Variants in SANBR observed in about 807,000 individuals in gnomAD.
SANBR encodes the protein SANT and BTB domain regulator of class switch recombination.
Under a neutral mutation model 101.8 loss-of-function variants are expected in SANBR, and 77 were observed. The observed-to-expected ratio is 0.76, with a 90% CI of 0.63 to 0.91. SANBR has a LOEUF of 0.91. Ranked by LOEUF, SANBR falls within the 40% of genes least tolerant of loss-of-function variation. The probability of loss-of-function intolerance (pLI) is 0.00; values close to 1 mark genes in which losing one functional copy is unlikely to be tolerated. For synonymous variants in SANBR, 279 were observed against 274.7 expected (o/e 1.02, Z -0.15); for missense variants, 875 against 853.0 (o/e 1.03, Z -0.32).
chr2:61,083,097 C>A, intron 7 of SANBR, 57 bp from the exon 8 acceptor site: 3 of 1,282,946 alleles, frequency 2.3e-6, no homozygotes, highest in Non-Finnish European at 3.4e-6. Flanking sequence ...AAAGGTATTG[C>A]TATGACATTG....
chr2:61,088,305 A>G, intron 9 of SANBR, 53 bp from the exon 10 acceptor site: 54 of 1,565,796 alleles, frequency 3.4e-5, no homozygotes, highest in Non-Finnish European at 4.6e-5. Context: ...TCTTTAATTT[A>G]CTACATTTAC....
At chr2:61,132,020 T>C (rs1293358141) in intron 20 of SANBR, among the ~76,000 whole-genome samples, 1 of 152,224 alleles carries the variant, frequency 6.6e-6, no homozygotes. Flanking sequence ...TAAAAATTGA[T>C]GCAAAATGGA....
intron 19 of SANBR, among the ~76,000 whole-genome samples, chr2:61,117,773 A>G (rs1372264078): frequency 1.3e-5 from 2 of 152,162 alleles, no homozygotes; most frequent in African/African-American, 2.4e-5. Context: ...ACCTTTGCCC[A>G]TTATTTTCAC....
At position 61,117,558 on chromosome 2, in the gene SANBR, G is replaced by A; in HGVS notation, c.1939+18G>A. 2.5e-6 allele frequency: 4 copies of A among 1,586,096 alleles called. No individual in the cohort carries two copies. Among genetic ancestry groups the A allele is most frequent in the South Asian group, 1.1e-5 (1 of 90,436 alleles). On this transcript the variant is annotated intron_variant, in intron 19 of 21. Transcript: ENST00000402291. The stretch of plus-strand genomic sequence containing the variant: ...AGAAGACGGTAAATTTTATTATTTG[G>A]GTAATGTACAAATTGGATGTAAATA...
At chr2:61,104,298 C>T (rs1460480861) in intron 13 of SANBR, among the ~76,000 whole-genome samples, 1 of 151,790 alleles carries the variant, frequency 6.6e-6, no homozygotes, top group Non-Finnish European at 1.5e-5. Context: ...CTGGCTAACA[C>T]AGTGAAACCC....
chr2:61,138,005 C>A (rs1474829785), exon 22 of SANBR: 2 of 152,118 alleles, frequency 1.3e-5, no homozygotes, highest in Non-Finnish European at 2.9e-5. Flanking sequence ...TTCTATTAAT[C>A]TACTAATATA....
chr2:61,122,233 G>T lies in SANBR; in HGVS notation c.*71G>T. 4 of 1,491,948 alleles carry T rather than the reference G, an allele frequency of 2.7e-6. No homozygotes were observed. In the East Asian group the frequency reaches 7.4e-5, roughly 28 times the overall value. The allele number at this position is 1,491,948 out of a possible 1,614,324, so 92.4% of individuals were successfully genotyped here. On this transcript the variant is annotated 3_prime_UTR_variant, in exon 22 of 22. Transcript: ENST00000402291. The stretch of plus-strand genomic sequence containing the variant: ...CATCTGAAATTGCTCACTTCTTGAA[G>T]ATCTTCAGAACAATGACTTCCAACT...
chr2:61,069,497 C>T (rs990373451), intron 2 of SANBR, among the ~76,000 whole-genome samples: 2 of 151,388 alleles, frequency 1.3e-5, no homozygotes, highest in African/African-American at 4.9e-5. Flanking sequence ...CTGCTTTGTA[C>T]TCTCGTCCTA....
downstream of SANBR, among the ~76,000 whole-genome samples, chr2:61,127,266 T>C (rs922247820): frequency 6.6e-6 from 1 of 152,196 alleles, no homozygotes; most frequent in Non-Finnish European, 1.5e-5. Flanking sequence ...ATATCTGGAC[T>C]GTCCCCAGCC....
At chr2:61,111,593 T>A (rs560340391) in intron 16 of SANBR, among the ~76,000 whole-genome samples, 1 of 152,348 alleles carries the variant, frequency 6.6e-6, no homozygotes, top group African/African-American at 2.4e-5. Flanking sequence ...TGTTACAAAA[T>A]TCACCCATTT....
chr2:61,072,821 C>CTTTTTTTTTTTTTTTTTTTTTTTTTTT lies in SANBR; in HGVS notation c.338-634_338-608dup, dbSNP rs70959893. Among the ~76,000 whole-genome samples, 5 of 31,660 alleles carry CTTTTTTTTTTTTTTTTTTTTTTTTTTT rather than the reference C, an allele frequency of 1.6e-4. 1 individual carries two copies. Among genetic ancestry groups the CTTTTTTTTTTTTTTTTTTTTTTTTTTT allele is most frequent in the Non-Finnish European group, 2.2e-4 (4 of 18,076 alleles). The allele number at this position is 31,660 out of a possible 152,430, so 20.8% of individuals were successfully genotyped here. On this transcript the variant is annotated intron_variant, in intron 4 of 21. Coordinates refer to ENST00000402291, the MANE Select transcript of SANBR (RefSeq NM_001129993.3). Reference sequence around the variant, plus strand: ...AGACTCTTGCTTGTCTCTCATGTTACTTTTTTTTTTTTTTTTTTTTTTTTT... The same window carrying CTTTTTTTTTTTTTTTTTTTTTTTTTTT: ...AGACTCTTGCTTGTCTCTCATGTTACTTTTTTTTTTTTTTTTTTTTTTTTTTTTTTTTTTTTTTTTTTTTTTTTTTTT...
chr2:61,102,229 A>G (rs1231644684), intron 12 of SANBR, among the ~76,000 whole-genome samples: 1 of 151,734 alleles, frequency 6.6e-6, no homozygotes, highest in East Asian at 1.9e-4. Context: ...TACAAAAATT[A>G]GCTGGGCGTG....
At chr2:61,104,341 G>A (rs527534761) in intron 13 of SANBR, among the ~76,000 whole-genome samples, 1 of 152,116 alleles carries the variant, frequency 6.6e-6, no homozygotes, top group South Asian at 2.1e-4. Flanking sequence ...AATTAGCCGG[G>A]CGTGGTGGTG....
chr2:61,098,968 T>C (rs1425488279), intron 12 of SANBR, among the ~76,000 whole-genome samples: 1 of 152,192 alleles, frequency 6.6e-6, no homozygotes, highest in African/African-American at 2.4e-5. Context: ...GCCATAGATG[T>C]CAAGGAAATC....
rs1661369849 is a variant in SANBR, at chr2:61,076,923, A to C, written c.435A>C (p.Pro145=). 6.2e-7 allele frequency: 1 copy of C among 1,610,120 alleles called. No individual in the cohort carries two copies. The change falls in exon 6 of 22, where the codon CCA becomes CCC. Residue 145 remains proline, a synonymous_variant. Coordinates refer to ENST00000402291, the MANE Select transcript of SANBR (RefSeq NM_001129993.3). ...TTTGTGTAACATTTTTATGAAGGCC[A>C]AACATGGTGATCCATGTGTGTGATG... ...GGEMTEESEG[P]NMVIHVCDEA...
intron 16 of SANBR, among the ~76,000 whole-genome samples, chr2:61,112,695 T>C (rs1277070841): frequency 6.6e-6 from 1 of 152,194 alleles, no homozygotes; most frequent in Non-Finnish European, 1.5e-5. Flanking sequence ...GGTTTTGCCA[T>C]GTTGGCGGAG....
intron 11 of SANBR, among the ~76,000 whole-genome samples, chr2:61,093,647 A>G (rs953565550): frequency 6.6e-6 from 1 of 151,846 alleles, no homozygotes; most frequent in Non-Finnish European, 1.5e-5. Flanking sequence ...CCAGTTTTTC[A>G]GTGAAAACAA....
chr2:61,091,267 G>A (rs1682740533), intron 10 of SANBR, among the ~76,000 whole-genome samples: 1 of 151,838 alleles, frequency 6.6e-6, no homozygotes, highest in South Asian at 2.1e-4. Flanking sequence ...AACATAGTGA[G>A]GCCCCCTTCT....
At chr2:61,130,883 T>G (rs910499744) in intron 20 of SANBR, among the ~76,000 whole-genome samples, 4 of 109,964 alleles carry the variant, frequency 3.6e-5, no homozygotes, top group African/African-American at 1.5e-4. Flanking sequence ...TGAGCCGAGA[T>G]CACACCATTG....
Sources: gnomAD v4.1 joint callset for allele counts (sites outside exome capture counted in the v4.1 genomes callset) on GRCh38, gnomAD v4.1.1 for gene constraint, MANE v1.5 for transcripts, NCBI Gene and HGNC (gene_info 2026-07-23, HGNC 2026-07-21) for gene names.